Variants in COL19A1 observed in about 807,000 individuals in gnomAD.
COL19A1 encodes collagen alpha-1(XIX) chain.
Under a neutral mutation model 190.2 loss-of-function variants are expected in COL19A1, and 159 were observed. The observed-to-expected ratio is 0.84, with a 90% CI of 0.73 to 0.95. The LOEUF (loss-of-function observed/expected upper bound fraction) is 0.95, where lower values mean the gene tolerates loss of function less well. Among genes scored for constraint, COL19A1 ranks in the 40% least tolerant of loss-of-function variants. COL19A1 has a pLI of 0.00. For missense variants in COL19A1, 1,418 were observed against 1,431.9 expected (o/e 0.99, Z 0.16); for synonymous variants, 509 against 458.9 (o/e 1.11, Z -1.39).
At chr6:70,023,204 G>A (rs1778520579) in intron 11 of COL19A1, among the ~76,000 whole-genome samples, 1 of 150,122 alleles carries the variant, frequency 6.7e-6, no homozygotes, top group Admixed American at 6.7e-5. Flanking sequence ...CATGATCTTG[G>A]CTCACTGCAA....
chr6:70,183,308 G>A (rs1173492276), intron 44 of COL19A1, among the ~76,000 whole-genome samples: 2 of 152,162 alleles, frequency 1.3e-5, no homozygotes, highest in Non-Finnish European at 2.9e-5. Flanking sequence ...AGGTGAATGA[G>A]ATGAGGGTAG....
intron 18 of COL19A1, 87 bp downstream of exon 18, chr6:70,130,310 C>G: frequency 5.5e-6 from 6 of 1,099,218 alleles, no homozygotes; most frequent in Non-Finnish European, 8.0e-6. Context: ...ACTATAACCT[C>G]CACCTCCCAG....
At position 70,082,457 on chromosome 6, in the gene COL19A1, G is replaced by T. The variant is rs545594270; in HGVS notation, c.1224+13981G>T. On this transcript the variant is annotated intron_variant, in intron 15 of 50. Coordinates refer to ENST00000620364, the MANE Select transcript of COL19A1 (RefSeq NM_001858.6). ...ACAGAGTCTCACTCTGTCTTCCCCA[G>T]GCTGGAGTGCAGTGGTGCGATCTTG... 3.5e-3 allele frequency among the ~76,000 whole-genome samples: 527 copies of T among 152,086 alleles called. 2 individuals carry two copies. The highest frequency in any genetic ancestry group is 6.0e-3 in the Non-Finnish European group (406 of 67,964).
At chr6:70,109,908 G>A (rs3793057) in intron 16 of COL19A1, among the ~76,000 whole-genome samples, 27,682 of 151,984 alleles carry the variant, frequency 0.18, 2,723 homozygotes, top group Non-Finnish European at 0.22. Context: ...GAACAGTTGG[G>A]GCAATGAAAA....
rs185270064 is a variant in COL19A1 at position 70,019,217 on chromosome 6, T to G, written c.1027-4410T>G. On this transcript the variant is annotated intron_variant, in intron 11 of 50. Transcript: ENST00000620364. ...AAGTTATTGATATCCTCTGAGCTAT[T>G]GATTTATCATCTGTAAATGGGGATG... Among the ~76,000 whole-genome samples, 467 of 152,266 alleles carry G rather than the reference T, an allele frequency of 3.1e-3. 11 individuals are homozygous for G. Among genetic ancestry groups the G allele is most frequent in the Admixed American group, 0.027 (410 of 15,276 alleles).
At chr6:70,077,802 T>C (rs890436856) in intron 15 of COL19A1, among the ~76,000 whole-genome samples, 4 of 101,734 alleles carry the variant, frequency 3.9e-5, no homozygotes, top group African/African-American at 1.8e-4. Context: ...TAAAATTCAA[T>C]AATGTAAACA....
At chr6:70,030,670 G>A (rs1374703882) in intron 12 of COL19A1, among the ~76,000 whole-genome samples, 1 of 152,154 alleles carries the variant, frequency 6.6e-6, no homozygotes, top group East Asian at 1.9e-4. Flanking sequence ...TCTCTGCATA[G>A]TTTTACACAA....
intron 25 of COL19A1, among the ~76,000 whole-genome samples, chr6:70,145,722 C>CT (rs56306364): frequency 0.021 from 2,732 of 128,136 alleles, 64 homozygotes; most frequent in East Asian, 0.034. Context: ...CTTATTGTTT[C>CT]TTTTTTTTTT....
chr6:70,124,109 GA>G (rs199879173), intron 17 of COL19A1, among the ~76,000 whole-genome samples: 6,271 of 151,078 alleles, frequency 0.042, 172 homozygotes, highest in Non-Finnish European at 0.064. Context: ...AATAAATAAG[GA>G]AAAAAAACTG....
At chr6:69,925,446 T>C (rs1772304559) in intron 4 of COL19A1, among the ~76,000 whole-genome samples, 1 of 152,154 alleles carries the variant, frequency 6.6e-6, no homozygotes, top group South Asian at 2.1e-4. Flanking sequence ...TTGGTCTATA[T>C]CTCTGTTTTG....
At chr6:69,866,912 A>G (rs1767482802) in intron 1 of COL19A1, among the ~76,000 whole-genome samples, 1 of 152,118 alleles carries the variant, frequency 6.6e-6, no homozygotes. Flanking sequence ...CTATGTTCAC[A>G]TGATGCAGGC....
At position 70,178,652 on chromosome 6, in the gene COL19A1, AT is replaced by A. The variant is rs529122627; in HGVS notation, c.2668-1652del. Among the ~76,000 whole-genome samples, 399 of 152,036 alleles carry A rather than the reference AT, an allele frequency of 2.6e-3. 4 individuals are homozygous for A. Among genetic ancestry groups the A allele is most frequent in the African/African-American group, 7.7e-3 (319 of 41,454 alleles). On this transcript the variant is annotated intron_variant, in intron 42 of 50. Transcript: ENST00000620364. ...TTATGTATATTTTACCATGATAAAAATTTTTTTTCGAAAAATGGTGATTGTT... is the reference window on the plus strand; with the variant it reads ...TTATGTATATTTTACCATGATAAAAATTTTTTTCGAAAAATGGTGATTGTT...
chr6:70,193,514 C>T (rs761458988), intron 48 of COL19A1, among the ~76,000 whole-genome samples: 6 of 152,314 alleles, frequency 3.9e-5, no homozygotes, highest in South Asian at 4.1e-4. Context: ...TCTCTTACTG[C>T]GTCTCTGTCT....
intron 11 of COL19A1, among the ~76,000 whole-genome samples, chr6:69,979,520 A>G (rs1175543937): frequency 6.6e-6 from 1 of 151,914 alleles, no homozygotes; most frequent in Non-Finnish European, 1.5e-5. Context: ...TTTTACTAAA[A>G]GCCAGCAGCA....
intron 47 of COL19A1, among the ~76,000 whole-genome samples, chr6:70,188,895 C>T (rs945195248): frequency 3.9e-5 from 6 of 152,164 alleles, no homozygotes; most frequent in African/African-American, 1.2e-4. Flanking sequence ...ACACATTCTC[C>T]TCAGATAATC....
chr6:69,925,739 GT>G (rs1772337250), intron 4 of COL19A1, among the ~76,000 whole-genome samples: 1 of 152,040 alleles, frequency 6.6e-6, no homozygotes, highest in Admixed American at 6.6e-5. Context: ...TCTTCCATTT[GT>G]TTGTATCCTC....
intron 14 of COL19A1, among the ~76,000 whole-genome samples, chr6:70,036,969 A>G (rs1357691073): frequency 6.6e-6 from 1 of 152,166 alleles, no homozygotes; most frequent in African/African-American, 2.4e-5. Flanking sequence ...CTCCCACATA[A>G]ACAAATGTTT....
In COL19A1 at chr6:70,068,513, C is replaced by T; in HGVS notation, c.1224+37C>T. ...TGGAACAACTGGTGGGCATTACTAACTTAGGGGATACTTATTTGGGAACAC... is the reference window on the plus strand; with the variant it reads ...TGGAACAACTGGTGGGCATTACTAATTTAGGGGATACTTATTTGGGAACAC... On this transcript the variant is annotated intron_variant, in intron 15 of 50. Transcript: ENST00000620364. 2 of 1,341,074 alleles carry T rather than the reference C, an allele frequency of 1.5e-6. 1 individual carries two copies. Among genetic ancestry groups the T allele is most frequent in the South Asian group, 2.4e-5 (2 of 81,948 alleles). 83.1% of individuals were successfully genotyped at this position (1,341,074 alleles called of 1,614,324 possible).
At chr6:70,193,648 C>A (rs1008879110) in intron 48 of COL19A1, among the ~76,000 whole-genome samples, 3 of 152,194 alleles carry the variant, frequency 2.0e-5, no homozygotes, top group African/African-American at 7.2e-5. Context: ...AAACTATTTT[C>A]TGAGACTTCT....
Sources: gnomAD v4.1 joint callset for allele counts (sites outside exome capture counted in the v4.1 genomes callset) on GRCh38, gnomAD v4.1.1 for gene constraint, MANE v1.5 for transcripts, NCBI Gene and HGNC (gene_info 2026-07-23, HGNC 2026-07-21) for gene names.